WIPI2: variants seen among roughly 807,000 people sequenced by gnomAD.
WIPI2 encodes the protein WD repeat domain phosphoinositide-interacting protein 2.
WIPI2 carries 28 observed loss-of-function variants against 52.3 expected under a neutral mutation model. The ratio of observed to expected loss-of-function variants is 0.54; its 90% CI spans 0.40 to 0.73. The LOEUF is 0.73. Ranked by LOEUF, WIPI2 falls within the 30% of genes least tolerant of loss-of-function variation. The pLI is 0.00. For synonymous variants in WIPI2, 268 were observed against 245.0 expected, an observed-to-expected ratio of 1.09 and a Z score of -0.88; for missense variants, 506 against 602.9, an observed-to-expected ratio of 0.84 and a Z score of 1.68.
chr7:5,223,038 T>C (rs1211981693), intron 8 of WIPI2, among the ~76,000 whole-genome samples: 1 of 152,156 alleles, frequency 6.6e-6, no homozygotes, highest in East Asian at 1.9e-4. Flanking sequence ...CTGTTCCAGC[T>C]CTCCAGCTCC....
intron 11 of WIPI2, 25 bp downstream of exon 11, chr7:5,228,236 G>C: frequency 6.3e-7 from 1 of 1,591,612 alleles, no homozygotes; most frequent in Non-Finnish European, 8.5e-7. Context: ...GCCGCTTCAC[G>C]GAGCTGCTCC....
chr7:5,220,242 GCT>G (rs1491248905), intron 7 of WIPI2, among the ~76,000 whole-genome samples: 973 of 83,032 alleles, frequency 0.012, 10 homozygotes, highest in African/African-American at 0.049. Context: ...GCTGCTTTTT[GCT>G]TTTTTTTTTT....
At chr7:5,204,776 C>G (rs545473072) in intron 3 of WIPI2, among the ~76,000 whole-genome samples, 1 of 152,140 alleles carries the variant, frequency 6.6e-6, no homozygotes, top group South Asian at 2.1e-4. Context: ...CTCAACCTCC[C>G]GGGCTCAAGT....
chr7:5,232,478 A>G lies in WIPI2; in HGVS notation c.*1531A>G, dbSNP rs146098862. On this transcript the variant is annotated 3_prime_UTR_variant, in exon 13 of 13. Coordinates refer to ENST00000288828, the MANE Select transcript of WIPI2 (RefSeq NM_015610.4). ...AACATCTGCATTAGGCAGAGGTGCAAGTGGGCTGATTGAACTTTTCCTTCA... is the reference window on the plus strand; with the variant it reads ...AACATCTGCATTAGGCAGAGGTGCAGGTGGGCTGATTGAACTTTTCCTTCA... The G allele has an allele frequency of 4.5e-4, 178 of 397,290 alleles. 1 individual carries two copies. The highest frequency in any genetic ancestry group is 3.5e-3 in the African/African-American group (170 of 48,750). The allele number at this position is 397,290 out of a possible 1,614,324, so 24.6% of individuals were successfully genotyped here. A position where few individuals can be genotyped will look rare whatever the true frequency, so the allele number is the denominator to read the frequency against.
Position 5,217,148 on chromosome 7 carries a change from G to A in WIPI2, c.537G>A (p.Ala179=), listed in dbSNP as rs1352998969. The part of the protein sequence containing the change: ...DNCYLAYPGS[A]TIGEVQVFDT... ...GCTACTTGGCGTACCCAGGGAGCGCGACCATCGGAGAGGTGCAGGTCTTCG... is the reference window on the plus strand; with the variant it reads ...GCTACTTGGCGTACCCAGGGAGCGCAACCATCGGAGAGGTGCAGGTCTTCG... The change falls in exon 6 of 13, where the codon GCG becomes GCA. Residue 179 remains alanine, a synonymous_variant. Transcript: ENST00000288828. 16 of 1,614,134 alleles carry A rather than the reference G, an allele frequency of 9.9e-6. No individual in the cohort carries two copies. Among genetic ancestry groups the A allele is most frequent in the South Asian group, 6.6e-5 (6 of 91,072 alleles).
At chr7:5,222,476 C>A in intron 7 of WIPI2, 126 bp from the exon 8 acceptor site, 1 of 982,266 alleles carries the variant, frequency 1.0e-6, no homozygotes, top group Non-Finnish European at 1.6e-6. Flanking sequence ...ACCCCAGACT[C>A]CTTGGTGGCC....
intron 3 of WIPI2, among the ~76,000 whole-genome samples, chr7:5,208,316 G>C (rs1267630508): frequency 6.6e-6 from 1 of 151,980 alleles, no homozygotes; most frequent in East Asian, 1.9e-4. Context: ...CTGGATACCA[G>C]TCCTTTGTCA....
chr7:5,206,033 A>T (rs571630686), intron 3 of WIPI2, among the ~76,000 whole-genome samples: 1 of 151,726 alleles, frequency 6.6e-6, no homozygotes, highest in East Asian at 1.9e-4. Context: ...GACCTTGTTT[A>T]TGATTCTTTT....
chr7:5,229,069 A>T (rs538708773), intron 11 of WIPI2, among the ~76,000 whole-genome samples: 1 of 151,598 alleles, frequency 6.6e-6, no homozygotes, highest in African/African-American at 2.4e-5. Context: ...AGGCTGGAGT[A>T]CAGTGGCGCG....
intron 7 of WIPI2, among the ~76,000 whole-genome samples, chr7:5,222,010 T>C (rs2115299855): frequency 6.8e-6 from 1 of 147,768 alleles, no homozygotes; most frequent in South Asian, 2.1e-4. Flanking sequence ...AGTGCAGTGG[T>C]GCAGTCTCGG....
chr7:5,201,741 C>T (rs1311565264), intron 3 of WIPI2, among the ~76,000 whole-genome samples: 16 of 152,094 alleles, frequency 1.1e-4, no homozygotes, highest in African/African-American at 3.9e-4. Flanking sequence ...GAGACTCTGT[C>T]TTAATAAATA....
intron 3 of WIPI2, among the ~76,000 whole-genome samples, chr7:5,200,442 G>A (rs1407305908): frequency 1.3e-5 from 2 of 152,050 alleles, no homozygotes; most frequent in Non-Finnish European, 2.9e-5. Flanking sequence ...GTAACATCTC[G>A]CAAAGCCCCA....
chr7:5,226,145 A>G (rs1783419467), intron 9 of WIPI2: 3 of 558,900 alleles, frequency 5.4e-6, no homozygotes, highest in Non-Finnish European at 6.5e-6. Flanking sequence ...GGCAGCACGC[A>G]GGGTAGACAG....
intron 8 of WIPI2, among the ~76,000 whole-genome samples, chr7:5,223,749 C>T (rs1039848433): frequency 2.6e-5 from 4 of 152,310 alleles, no homozygotes; most frequent in Admixed American, 2.6e-4. Flanking sequence ...GCCAGTTTGC[C>T]CCTGGCCCCT....
intron 12 of WIPI2, 97 bp downstream of exon 12, chr7:5,229,835 C>G (rs1783638730): frequency 2.0e-6 from 3 of 1,527,846 alleles, no homozygotes; most frequent in Non-Finnish European, 1.8e-6. Flanking sequence ...CAGCTCCTCA[C>G]TGGGAAAGAT....
intron 2 of WIPI2, among the ~76,000 whole-genome samples, chr7:5,194,578 C>G (rs987313221): frequency 4.6e-5 from 7 of 152,082 alleles, no homozygotes; most frequent in African/African-American, 1.7e-4. Context: ...CATCCCCAGA[C>G]CCTAATAAAA....
chr7:5,202,666 G>A (rs111298243), intron 3 of WIPI2, among the ~76,000 whole-genome samples: 4,798 of 152,260 alleles, frequency 0.032, 248 homozygotes, highest in African/African-American at 0.11. Context: ...GATTATAGGC[G>A]TGAGCCACTG....
At chr7:5,201,940 T>A (rs891143322) in intron 3 of WIPI2, among the ~76,000 whole-genome samples, 3 of 151,564 alleles carry the variant, frequency 2.0e-5, no homozygotes, top group Non-Finnish European at 2.9e-5. Flanking sequence ...GCCTTTCCTC[T>A]TTCACACTTT....
chr7:5,231,055 A>G lies in WIPI2; in HGVS notation c.*108A>G. 1 of 777,006 alleles carries G rather than the reference A, an allele frequency of 1.3e-6. No homozygotes were observed. Among genetic ancestry groups the G allele is most frequent in the Non-Finnish European group, 1.9e-6 (1 of 526,862 alleles). 48.1% of individuals were successfully genotyped at this position (777,006 alleles called of 1,614,324 possible). On this transcript the variant is annotated 3_prime_UTR_variant, in exon 13 of 13. Transcript: ENST00000288828. ...CCTGAGTCGGGGGAGAGGATGGCAG[A>G]GACTTTATTAAAAAAAAAAAAAGAT...
Sources: gnomAD v4.1 joint callset for allele counts (sites outside exome capture counted in the v4.1 genomes callset) on GRCh38, gnomAD v4.1.1 for gene constraint, MANE v1.5 for transcripts, NCBI Gene and HGNC (gene_info 2026-07-23, HGNC 2026-07-21) for gene names.